Variants in KCNT1 observed in about 807,000 individuals in gnomAD.
KCNT1 encodes potassium channel subfamily T member 1.
In KCNT1, 78 loss-of-function variants were observed where a neutral mutation model predicts 147.8. That is an observed-to-expected ratio of 0.53 (90% CI 0.44 to 0.64). The LOEUF is 0.64. Among genes scored for constraint, KCNT1 ranks in the 30% least tolerant of loss-of-function variants. The pLI is 0.00. For missense variants in KCNT1, 1,419 were observed against 1,750.3 expected, an observed-to-expected ratio of 0.81 and a Z score of 3.38; for synonymous variants, 867 against 748.8, an observed-to-expected ratio of 1.16 and a Z score of -2.58.
chr9:135,768,247 G>A (rs1168444329), intron 13 of KCNT1, among the ~76,000 whole-genome samples: 5 of 39,526 alleles, frequency 1.3e-4, no homozygotes, highest in African/African-American at 3.4e-4. Context: ...CTGCGGGGGG[G>A]GGGGGGGGGG....
In KCNT1 at chr9:135,770,956, C is replaced by G. The variant is rs1832714702; in HGVS notation, c.1869C>G (p.Phe623Leu). Reference protein sequence around the residue: ...RHILAASDTCFYINITKEENS... With the variant: ...RHILAASDTCLYINITKEENS... ...TCCTGGCCGCCTCTGACACCTGCTT[C>G]TACATCAACATCACCAAGGAGGAGA... The change falls in exon 18 of 31, where the codon TTC (phenylalanine) becomes TTG (leucine). Residue 623 changes from phenylalanine to leucine, a missense_variant. Transcript: ENST00000371757. The G allele has an allele frequency of 6.2e-7, 1 of 1,613,780 alleles. No homozygotes were observed. The highest frequency in any genetic ancestry group is 1.7e-5 in the Admixed American group (1 of 59,990).
chr9:135,758,988 G>A (rs751873635), intron 10 of KCNT1, among the ~76,000 whole-genome samples: 5 of 152,248 alleles, frequency 3.3e-5, no homozygotes, highest in Non-Finnish European at 7.3e-5. Context: ...AGCGAGGCCT[G>A]GTCACCACTT....
chr9:135,709,618 G>A (rs971459459), intron 1 of KCNT1, among the ~76,000 whole-genome samples: 3 of 152,268 alleles, frequency 2.0e-5, no homozygotes, highest in Non-Finnish European at 4.4e-5. Context: ...TTAGCTAGGT[G>A]GCTTGTCTTT....
intron 2 of KCNT1, among the ~76,000 whole-genome samples, chr9:135,740,895 GCTCCCCTCCC>G (rs1000080457): frequency 6.6e-6 from 1 of 151,892 alleles, no homozygotes; most frequent in Admixed American, 6.5e-5. Flanking sequence ...AGCTTCCTCA[GCTCCCCTCCC>G]CTCCCCTCCC....
At chr9:135,732,024 A>AGAGAGAGAGAGAGAGGGAGAGGGAGAGG in intron 2 of KCNT1, among the ~76,000 whole-genome samples, 1 of 65,118 alleles carries the variant, frequency 1.5e-5, no homozygotes, top group East Asian at 6.1e-4. Flanking sequence ...AGAGAGAGAG[A>AGAGAGAGAGAGAGAGGGAGAGGGAGAGG]GAGAGAGAGA....
At chr9:135,777,306 ACTCCAGCC>A in intron 20 of KCNT1, 24 bp from the exon 21 acceptor site, 2 of 1,578,542 alleles carry the variant, frequency 1.3e-6, no homozygotes, top group Non-Finnish European at 1.7e-6. Flanking sequence ...CACAGCCCTG[ACTCCAGCC>A]CTGACTCCAG....
chr9:135,744,634 C>T (rs963287498), intron 2 of KCNT1, among the ~76,000 whole-genome samples: 19 of 152,184 alleles, frequency 1.2e-4, no homozygotes, highest in African/African-American at 3.1e-4. Context: ...CGTGTAGGGA[C>T]GGGGCTGGCC....
chr9:135,715,687 C>T (rs1269060194), intron 2 of KCNT1, among the ~76,000 whole-genome samples: 1 of 152,230 alleles, frequency 6.6e-6, no homozygotes. Flanking sequence ...GAATAATCTA[C>T]TGCTGAAACC....
At chr9:135,732,265 C>A (rs1352717836) in intron 2 of KCNT1, among the ~76,000 whole-genome samples, 1 of 151,752 alleles carries the variant, frequency 6.6e-6, no homozygotes, top group African/African-American at 2.4e-5. Context: ...GTGATCTGCC[C>A]GCCTCAGCCT....
Position 135,784,941 on chromosome 9 carries a change from C to T in KCNT1, c.3156+52C>T, listed in dbSNP as rs1833925149. ...CTGTGGCAGCCCCTGTCCTGTGTGA[C>T]CCACAGCATCCCCACCTTCCGGGGG... is the stretch of plus-strand genomic sequence containing the variant. On this transcript the variant is annotated intron_variant, in intron 27 of 30. Coordinates refer to ENST00000371757, the MANE Select transcript of KCNT1 (RefSeq NM_020822.3). 5 of 1,585,586 alleles carry T rather than the reference C, an allele frequency of 3.2e-6. No individual in the cohort carries two copies. The Admixed American group carries it at 8.5e-5, about 27-fold the overall frequency.
chr9:135,725,053 G>C (rs557782546), intron 2 of KCNT1, among the ~76,000 whole-genome samples: 4 of 152,140 alleles, frequency 2.6e-5, no homozygotes, highest in Non-Finnish European at 4.4e-5. Flanking sequence ...GCAACTGCGT[G>C]GGGGGGCGTG....
At chr9:135,781,503 G>A (rs2131560117) in intron 24 of KCNT1, among the ~76,000 whole-genome samples, 1 of 152,292 alleles carries the variant, frequency 6.6e-6, no homozygotes, top group South Asian at 2.1e-4. Context: ...TCTCTCTGAC[G>A]GGCCAGCATA....
chr9:135,761,409 G>T (rs893661668), intron 11 of KCNT1, among the ~76,000 whole-genome samples: 1 of 152,208 alleles, frequency 6.6e-6, no homozygotes, highest in African/African-American at 2.4e-5. Flanking sequence ...AGGCAAGGGC[G>T]GGAGTGAGGG....
intron 20 of KCNT1, 49 bp from the exon 21 acceptor site, chr9:135,777,289 C>G (rs1213408075): frequency 1.9e-6 from 3 of 1,578,564 alleles, no homozygotes; most frequent in African/African-American, 1.3e-5. Context: ...CAGTGGCCAG[C>G]AGGAACCACA....
At chr9:135,785,126 C>T (rs189271914) in intron 27 of KCNT1, among the ~76,000 whole-genome samples, 184 bp from the exon 28 acceptor site, 20 of 152,314 alleles carry the variant, frequency 1.3e-4, no homozygotes, top group South Asian at 2.1e-4. Context: ...TGACCCCTAC[C>T]GGGGGCAGAG....
At chr9:135,784,488 T>TTCC in intron 25 of KCNT1, 47 bp from the exon 26 acceptor site, 4 of 85,992 alleles carry the variant, frequency 4.7e-5, no homozygotes, top group East Asian at 1.8e-4. Flanking sequence ...TGTGGCTCCC[T>TTCC]CCCTCCCTCC....
At chr9:135,760,652 A>G (rs552596318) in intron 11 of KCNT1, among the ~76,000 whole-genome samples, 49 of 152,252 alleles carry the variant, frequency 3.2e-4, no homozygotes, top group African/African-American at 1.1e-3. Flanking sequence ...GCTAAACAGC[A>G]GTGGGCGTGG....
chr9:135,725,496 C>T (rs979420556), intron 2 of KCNT1, among the ~76,000 whole-genome samples: 8 of 152,224 alleles, frequency 5.3e-5, no homozygotes, highest in Admixed American at 2.0e-4. Context: ...GAGCTGGAGA[C>T]GGCGGAGGAC....
chr9:135,784,196 C>T, intron 25 of KCNT1, 71 bp downstream of exon 25: 1 of 1,211,640 alleles, frequency 8.3e-7, no homozygotes, highest in South Asian at 1.2e-5. Context: ...GCTCTTCAGC[C>T]TGGTCCCTGT....
Sources: gnomAD v4.1 joint callset for allele counts (sites outside exome capture counted in the v4.1 genomes callset) on GRCh38, gnomAD v4.1.1 for gene constraint, MANE v1.5 for transcripts, NCBI Gene and HGNC (gene_info 2026-07-23, HGNC 2026-07-21) for gene names.